CSMD1: variants seen among roughly 807,000 people sequenced by gnomAD.
CSMD1 encodes CUB and sushi domain-containing protein 1.
CSMD1 carries 213 observed loss-of-function variants against 417.5 expected under a neutral mutation model. That is an observed-to-expected ratio of 0.51 (90% CI 0.46 to 0.57). The LOEUF is 0.57. CSMD1 is among the 20% of genes least tolerant of loss of function. CSMD1 has a pLI of 0.00. For missense variants in CSMD1, 6,923 were observed against 4,529.7 expected, an observed-to-expected ratio of 1.53 and a Z score of -15.17; for synonymous variants, 2,862 against 1,736.8, an observed-to-expected ratio of 1.65 and a Z score of -16.11.
rs372085705 is a variant in CSMD1 at position 4,497,740 on chromosome 8, A to T, written c.303-77675T>A. ...AAATACACAACTCCTTTCAGCACAA[A>T]GCTCCCCGAAACAATTCTGCAAGAA... is the stretch of plus-strand genomic sequence containing the variant. On this transcript the variant is annotated intron_variant, in intron 2 of 69. Transcript: ENST00000635120. Among the ~76,000 whole-genome samples, 104 of 152,326 alleles carry T rather than the reference A, an allele frequency of 6.8e-4. 3 individuals are homozygous for T. In the South Asian group the frequency reaches 0.021, roughly 31 times the overall value.
chr8:3,326,409 T>G (rs1242050841), intron 23 of CSMD1, among the ~76,000 whole-genome samples: 2 of 152,208 alleles, frequency 1.3e-5, no homozygotes, highest in Non-Finnish European at 2.9e-5. Flanking sequence ...GTTTTTAGGG[T>G]AGCCTCACCT....
At chr8:4,162,490 G>A (rs182155989) in intron 3 of CSMD1, among the ~76,000 whole-genome samples, 86 of 152,226 alleles carry the variant, frequency 5.6e-4, no homozygotes, top group African/African-American at 1.9e-3. Flanking sequence ...TTGATGAACA[G>A]TTTTGATCCT....
intron 2 of CSMD1, among the ~76,000 whole-genome samples, chr8:4,566,720 A>G (rs1563292830): frequency 1.3e-5 from 2 of 151,858 alleles, no homozygotes; most frequent in Non-Finnish European, 2.9e-5. Flanking sequence ...ATATATACAA[A>G]CAGTTTCAAA....
chr8:4,561,068 G>C (rs758791501), intron 2 of CSMD1, among the ~76,000 whole-genome samples: 8 of 152,096 alleles, frequency 5.3e-5, no homozygotes, highest in Non-Finnish European at 1.2e-4. Context: ...ACAATAAAAT[G>C]ATATTATTAA....
Position 3,844,332 on chromosome 8 carries a change from G to A in CSMD1, c.819-90290C>T, listed in dbSNP as rs571288943. ...ATTGGTGGATCAATTTCAAGTCAAT[G>A]ACAATACTTCAGGAAGTCCCAGAAG... On this transcript the variant is annotated intron_variant, in intron 5 of 69. Transcript: ENST00000635120. Among the ~76,000 whole-genome samples, 4 of 152,194 alleles carry A rather than the reference G, an allele frequency of 2.6e-5. No individual in the cohort carries two copies. In the East Asian group the frequency reaches 7.7e-4, roughly 29 times the overall value.
chr8:4,032,456 C>T (rs1326475987), intron 3 of CSMD1, among the ~76,000 whole-genome samples: 3 of 152,168 alleles, frequency 2.0e-5, no homozygotes. Flanking sequence ...AGCAACCAGA[C>T]ACAGTAGACT....
intron 8 of CSMD1, among the ~76,000 whole-genome samples, chr8:3,594,241 G>T (rs1049885516): frequency 6.6e-6 from 1 of 152,264 alleles, no homozygotes; most frequent in Non-Finnish European, 1.5e-5. Context: ...GTATTAATGA[G>T]CTGCTAGTGT....
At chr8:3,033,590 G>T (rs1259457221) in intron 50 of CSMD1, among the ~76,000 whole-genome samples, 2 of 151,866 alleles carry the variant, frequency 1.3e-5, no homozygotes, top group African/African-American at 4.8e-5. Context: ...CACACACCAG[G>T]GCCTGTCGGG....
chr8:4,694,442 C>G (rs1806984692), intron 1 of CSMD1, among the ~76,000 whole-genome samples: 1 of 152,020 alleles, frequency 6.6e-6, no homozygotes, highest in Non-Finnish European at 1.5e-5. Flanking sequence ...ACCCCTGCCT[C>G]CCGGATTCAA....
intron 1 of CSMD1, among the ~76,000 whole-genome samples, chr8:4,955,945 C>G (rs545008361): frequency 5.0e-4 from 76 of 152,292 alleles, no homozygotes; most frequent in African/African-American, 1.7e-3. Flanking sequence ...AGATGAATGG[C>G]TGAGTTTGAG....
intron 2 of CSMD1, among the ~76,000 whole-genome samples, chr8:4,424,298 A>G (rs959285081): frequency 2.6e-5 from 4 of 152,040 alleles, no homozygotes; most frequent in Non-Finnish European, 5.9e-5. Context: ...ATATCTGACA[A>G]AAGACAAGTA....
chr8:3,096,423 T>A (rs1404403951), intron 47 of CSMD1, among the ~76,000 whole-genome samples: 1 of 151,996 alleles, frequency 6.6e-6, no homozygotes, highest in Non-Finnish European at 1.5e-5. Context: ...AAAATGGGAT[T>A]TTTCCCTGCA....
intron 4 of CSMD1, among the ~76,000 whole-genome samples, chr8:4,008,205 T>G (rs1201265308): frequency 6.6e-6 from 1 of 151,944 alleles, no homozygotes; most frequent in African/African-American, 2.4e-5. Context: ...GCTGGAAAAA[T>G]TAGTTCAAGT....
At chr8:4,559,672 C>A (rs1057317169) in intron 2 of CSMD1, among the ~76,000 whole-genome samples, 3 of 152,138 alleles carry the variant, frequency 2.0e-5, no homozygotes, top group Non-Finnish European at 4.4e-5. Context: ...GTAACCTATA[C>A]CTGAAGGTCA....
At chr8:3,968,472 T>A (rs1812843702) in intron 5 of CSMD1, among the ~76,000 whole-genome samples, 1 of 152,168 alleles carries the variant, frequency 6.6e-6, no homozygotes, top group South Asian at 2.1e-4. Flanking sequence ...AAGAATCTTT[T>A]TAGTTAAGTA....
intron 2 of CSMD1, among the ~76,000 whole-genome samples, chr8:4,553,772 T>C (rs1161940935): frequency 6.6e-6 from 1 of 152,218 alleles, no homozygotes; most frequent in African/African-American, 2.4e-5. Context: ...GAGTAACGTG[T>C]AATCGTCCTA....
intron 12 of CSMD1, among the ~76,000 whole-genome samples, chr8:3,454,529 A>C (rs1263660755): frequency 6.6e-6 from 1 of 152,082 alleles, no homozygotes; most frequent in Non-Finnish European, 1.5e-5. Flanking sequence ...ATCTCTCAGC[A>C]TTTGCTTGTC....
At chr8:4,313,467 A>G (rs1466876460) in intron 3 of CSMD1, among the ~76,000 whole-genome samples, 2 of 149,562 alleles carry the variant, frequency 1.3e-5, no homozygotes, top group East Asian at 2.0e-4. Context: ...TTAGCAATGC[A>G]GGAACCCGAA....
intron 5 of CSMD1, among the ~76,000 whole-genome samples, chr8:3,883,685 G>A (rs1299609737): frequency 2.6e-5 from 4 of 151,992 alleles, no homozygotes; most frequent in Non-Finnish European, 5.9e-5. Context: ...TATCAATCAT[G>A]TACCATGTAT....
Sources: allele counts gnomAD v4.1 joint callset (sites outside exome capture counted in the v4.1 genomes callset), GRCh38; gene constraint gnomAD v4.1.1; transcripts MANE v1.5; gene names NCBI Gene and HGNC (gene_info 2026-07-23, HGNC 2026-07-21).